ADGRV1: variants seen among roughly 807,000 people sequenced by gnomAD.
ADGRV1 encodes the protein G-protein coupled receptor 98.
In ADGRV1, 359 loss-of-function variants were observed where a neutral mutation model predicts 596.2. That is an observed-to-expected ratio of 0.60 (90% CI 0.55 to 0.66). The LOEUF is 0.66. Ranked by LOEUF, ADGRV1 falls within the 30% of genes least tolerant of loss-of-function variation. The probability of loss-of-function intolerance (pLI) is 0.00; values close to 1 mark genes in which losing one functional copy is unlikely to be tolerated. For missense variants in ADGRV1, 7,274 were observed against 7,575.6 expected (o/e 0.96, Z 1.48); for synonymous variants, 2,681 against 2,679.2 (o/e 1.00, Z -0.02).
At chr5:90,993,169 T>C (rs1020891927) in intron 85 of ADGRV1, among the ~76,000 whole-genome samples, 1 of 147,564 alleles carries the variant, frequency 6.8e-6, no homozygotes, top group African/African-American at 2.5e-5. Flanking sequence ...TTTTTTTTTT[T>C]TTTTTTTTTG....
At chr5:90,868,928 G>T (rs879738221) in intron 83 of ADGRV1, among the ~76,000 whole-genome samples, 2 of 152,012 alleles carry the variant, frequency 1.3e-5, no homozygotes, top group African/African-American at 2.4e-5. Context: ...AGCCAGACCC[G>T]CATCTCAGGT....
intron 85 of ADGRV1, among the ~76,000 whole-genome samples, chr5:90,989,152 AC>A (rs1780752317): frequency 6.6e-6 from 1 of 152,002 alleles, no homozygotes; most frequent in Admixed American, 6.6e-5. Flanking sequence ...TTGGGTATAT[AC>A]CCAGTAATGG....
chr5:91,070,739 GC>G (rs1449520309), intron 85 of ADGRV1, among the ~76,000 whole-genome samples: 1 of 152,108 alleles, frequency 6.6e-6, no homozygotes. Context: ...ATCTAAGTTT[GC>G]CTTGGACCCC....
At chr5:90,811,437 C>A in intron 74 of ADGRV1, 99 bp downstream of exon 74, 1 of 1,151,272 alleles carries the variant, frequency 8.7e-7, no homozygotes, top group Non-Finnish European at 1.2e-6. Flanking sequence ...AGGTGAAGTT[C>A]TTAAGTTATT....
intron 82 of ADGRV1, among the ~76,000 whole-genome samples, chr5:90,860,207 C>T (rs780905211): frequency 6.6e-6 from 1 of 152,174 alleles, no homozygotes; most frequent in African/African-American, 2.4e-5. Context: ...AGGCTAGTCT[C>T]CTGGCAACCT....
chr5:90,577,192 C>T (rs1256967350), intron 1 of ADGRV1, among the ~76,000 whole-genome samples: 1 of 152,146 alleles, frequency 6.6e-6, no homozygotes, highest in Admixed American at 6.5e-5. Context: ...AGCCCTTGCC[C>T]ATGCCTATGT....
intron 50 of ADGRV1, among the ~76,000 whole-genome samples, chr5:90,735,590 G>T (rs1436919093): frequency 6.6e-6 from 1 of 152,116 alleles, no homozygotes; most frequent in African/African-American, 2.4e-5. Flanking sequence ...TGAATCTGTA[G>T]ATCACTTTGG....
chr5:91,100,095 G>A (rs1490165663), intron 86 of ADGRV1, among the ~76,000 whole-genome samples: 4 of 152,114 alleles, frequency 2.6e-5, no homozygotes, highest in Non-Finnish European at 5.9e-5. Flanking sequence ...ATCTTGAAAG[G>A]GCTCCTGCTA....
At chr5:90,826,982 T>C (rs1422757884) in intron 76 of ADGRV1, among the ~76,000 whole-genome samples, 1 of 152,216 alleles carries the variant, frequency 6.6e-6, no homozygotes, top group African/African-American at 2.4e-5. Context: ...GATTCTATAT[T>C]AGTAAAATGT....
intron 84 of ADGRV1, among the ~76,000 whole-genome samples, chr5:90,973,287 G>A (rs1779230349): frequency 6.6e-6 from 1 of 152,150 alleles, no homozygotes; most frequent in Admixed American, 6.5e-5. Flanking sequence ...GGAGGAGCTG[G>A]TACCATTCCT....
At position 91,154,500 on chromosome 5, in the gene ADGRV1, G is replaced by A. The variant is rs535911949; in HGVS notation, c.18802+1102G>A. ...CAAGGTTACATAGTTAAGCGGCGGCGCAAAGCAGATGCAGGCCGCCTGGCC... is the reference window on the plus strand; with the variant it reads ...CAAGGTTACATAGTTAAGCGGCGGCACAAAGCAGATGCAGGCCGCCTGGCC... On this transcript the variant is annotated intron_variant, in intron 89 of 89. Transcript: ENST00000405460. Among the ~76,000 whole-genome samples, 204 of 152,318 alleles carry A rather than the reference G, an allele frequency of 1.3e-3. 1 individual carries two copies. The highest frequency in any genetic ancestry group is 4.5e-3 in the African/African-American group (189 of 41,568).
rs36107256 is a variant in ADGRV1, at chr5:90,897,290, A to G, written c.17856+33433A>G. ...TGACAGAAAGGCAGGATAATGATTC[A>G]TAGTTAATATTTAAATGATTCAACA... On this transcript the variant is annotated intron_variant, in intron 83 of 89. Transcript: ENST00000405460. Among the ~76,000 whole-genome samples the G allele has an allele frequency of 6.1e-3, 923 of 152,312 alleles. 4 individuals carry two copies. Among genetic ancestry groups the G allele is most frequent in the Non-Finnish European group, 9.8e-3 (665 of 68,010 alleles).
At chr5:90,834,302 TC>T (rs1368781152) in intron 77 of ADGRV1, among the ~76,000 whole-genome samples, 3 of 152,184 alleles carry the variant, frequency 2.0e-5, no homozygotes, top group Non-Finnish European at 4.4e-5. Context: ...TTGAAGAACT[TC>T]CGTTAGCATT....
intron 24 of ADGRV1, 137 bp downstream of exon 24, chr5:90,675,582 G>T: frequency 1.1e-6 from 1 of 871,144 alleles, no homozygotes; most frequent in South Asian, 1.7e-5. Context: ...GCAAAGGCGA[G>T]AGGATTGCTT....
chr5:90,765,359 TG>T (rs1307202450), intron 59 of ADGRV1, among the ~76,000 whole-genome samples: 1 of 152,046 alleles, frequency 6.6e-6, no homozygotes, highest in Non-Finnish European at 1.5e-5. Context: ...TGTAAATTCA[TG>T]TGATAATATT....
intron 86 of ADGRV1, among the ~76,000 whole-genome samples, chr5:91,080,200 G>A (rs1466636498): frequency 6.6e-6 from 1 of 152,122 alleles, no homozygotes. Flanking sequence ...GTCATTTCAA[G>A]TTATCTCTTC....
intron 1 of ADGRV1, among the ~76,000 whole-genome samples, chr5:90,593,383 T>A (rs921320154): frequency 6.6e-6 from 1 of 151,506 alleles, no homozygotes; most frequent in African/African-American, 2.4e-5. Context: ...TTCTCACTCA[T>A]AGGTGGGAAT....
intron 6 of ADGRV1, 73 bp from the exon 7 acceptor site, chr5:90,627,138 C>A: frequency 1.3e-6 from 1 of 782,104 alleles, no homozygotes; most frequent in Non-Finnish European, 2.0e-6. Flanking sequence ...AACATAATGA[C>A]TTGTTACACT....
intron 85 of ADGRV1, among the ~76,000 whole-genome samples, chr5:91,069,520 A>G (rs78873707): frequency 0.13 from 20,174 of 152,234 alleles, 1,644 homozygotes; most frequent in Admixed American, 0.27. Flanking sequence ...GCTCTACATC[A>G]TCAATCATCA....
Sources: allele counts gnomAD v4.1 joint callset (sites outside exome capture counted in the v4.1 genomes callset), GRCh38; gene constraint gnomAD v4.1.1; transcripts MANE v1.5; gene names NCBI Gene and HGNC (gene_info 2026-07-23, HGNC 2026-07-21).